Variants in STPG2 observed in about 807,000 individuals in gnomAD.
STPG2 encodes sperm tail PG-rich repeat containing 2.
In STPG2, 56 loss-of-function variants were observed where a neutral mutation model predicts 54.2. That is an observed-to-expected ratio of 1.03 (90% confidence interval 0.83 to 1.29). The LOEUF is 1.29. STPG2 is among the 50% of genes most tolerant of loss of function. The pLI, the probability that STPG2 is intolerant of heterozygous loss-of-function variation, is 0.00. For missense variants in STPG2, 596 were observed against 544.9 expected (o/e 1.09, Z -0.93); for synonymous variants, 200 against 181.8 (o/e 1.10, Z -0.81).
chr4:97,567,483 T>C (rs1450817090), intron 10 of STPG2, among the ~76,000 whole-genome samples: 1 of 150,566 alleles, frequency 6.6e-6, no homozygotes, highest in Non-Finnish European at 1.5e-5. Flanking sequence ...CCTCTCCCCA[T>C]AATCTGACTT....
At chr4:98,062,912 A>G (rs1164325425) in intron 5 of STPG2, among the ~76,000 whole-genome samples, 1 of 151,816 alleles carries the variant, frequency 6.6e-6, no homozygotes, top group South Asian at 2.1e-4. Flanking sequence ...TTCTTTTTTT[A>G]ATTTTATAAA....
chr4:97,770,420 A>G (rs1304553546), intron 9 of STPG2, among the ~76,000 whole-genome samples: 2 of 152,194 alleles, frequency 1.3e-5, no homozygotes, highest in Non-Finnish European at 2.9e-5. Flanking sequence ...TGGCAAGCAC[A>G]AAGAACTGCC....
intron 10 of STPG2, among the ~76,000 whole-genome samples, chr4:97,700,265 T>G (rs1184798396): frequency 1.3e-5 from 2 of 152,180 alleles, no homozygotes; most frequent in African/African-American, 4.8e-5. Flanking sequence ...GAGCAGCTTG[T>G]ACAGTAGCCT....
chr4:97,560,692 C>T (rs1422013053), intron 10 of STPG2, among the ~76,000 whole-genome samples: 1 of 151,998 alleles, frequency 6.6e-6, no homozygotes, highest in Non-Finnish European at 1.5e-5. Flanking sequence ...AGCATGAATC[C>T]AGAGATTCAA....
intron 3 of STPG2, among the ~76,000 whole-genome samples, chr4:98,112,099 A>G (rs932761029): frequency 6.6e-6 from 1 of 152,080 alleles, no homozygotes; most frequent in Non-Finnish European, 1.5e-5. Context: ...CCATAATCAC[A>G]TGAGCCAATT....
intron 9 of STPG2, among the ~76,000 whole-genome samples, chr4:97,746,539 A>G (rs1468996418): frequency 6.6e-5 from 10 of 151,298 alleles, no homozygotes; most frequent in Admixed American, 5.9e-4. Flanking sequence ...TGGAGTACAT[A>G]CAAAAGACAA....
At chr4:97,616,199 A>G (rs1015819902) in intron 10 of STPG2, among the ~76,000 whole-genome samples, 7 of 149,792 alleles carry the variant, frequency 4.7e-5, no homozygotes, top group Non-Finnish European at 7.4e-5. Flanking sequence ...GAGAAATATG[A>G]AGGTTCCTAA....
chr4:98,072,515 A>G (rs966838573), intron 5 of STPG2, among the ~76,000 whole-genome samples: 8 of 152,052 alleles, frequency 5.3e-5, no homozygotes, highest in Non-Finnish European at 1.0e-4. Context: ...TATGTAACAA[A>G]CCTGCACATC....
intron 3 of STPG2, among the ~76,000 whole-genome samples, chr4:98,121,571 A>T (rs11941844): frequency 0.4 from 60,109 of 151,912 alleles, 12,125 homozygotes; most frequent in African/African-American, 0.45. Context: ...CCTTGAGCAG[A>T]GGTTTGTAGT....
At chr4:98,024,906 T>A (rs11097598) in intron 5 of STPG2, among the ~76,000 whole-genome samples, 1 of 152,106 alleles carries the variant, frequency 6.6e-6, no homozygotes, top group South Asian at 2.1e-4. Flanking sequence ...AAATAGGCTA[T>A]GTAAATATTA....
rs762307620 is a variant in STPG2, at chr4:98,143,068, AC to A, written c.82del (p.Val28TyrfsTer4). On this transcript the variant is annotated frameshift_variant, in exon 1 of 11. Coordinates refer to ENST00000295268, the MANE Select transcript of STPG2 (RefSeq NM_174952.3). LOFTEE classifies it high-confidence loss of function. ...EAHVGPGSYQ[V>X]PFLKQQATGS... ...TGTCGCCTGCTGCTTCAGGAAAGGT[AC>A]CTGGTAGGATCCAGGACCCACATGG... The A allele has an allele frequency of 6.2e-7, 1 of 1,613,450 alleles. No individual in the cohort carries two copies. The highest frequency in any genetic ancestry group is 1.1e-5 in the South Asian group (1 of 90,894).
intron 5 of STPG2, among the ~76,000 whole-genome samples, chr4:98,021,170 C>G (rs1362380552): frequency 7.0e-6 from 1 of 142,828 alleles, no homozygotes; most frequent in African/African-American, 2.7e-5. Flanking sequence ...CTATAAATTT[C>G]CCTCTACACA....
chr4:97,506,406 T>C (rs956312720), intron 4 of STPG2, among the ~76,000 whole-genome samples: 7 of 151,726 alleles, frequency 4.6e-5, no homozygotes, highest in African/African-American at 1.7e-4. Context: ...GCAAAGAAAA[T>C]AGCTTTCAAA....
chr4:97,885,774 C>T (rs185822337), intron 8 of STPG2, among the ~76,000 whole-genome samples: 26 of 152,148 alleles, frequency 1.7e-4, no homozygotes, highest in South Asian at 4.1e-4. Flanking sequence ...CGTTGGTATA[C>T]GCAGGAGGCC....
intron 5 of STPG2, among the ~76,000 whole-genome samples, chr4:98,036,833 G>C (rs568439739): frequency 1.3e-5 from 2 of 151,820 alleles, no homozygotes; most frequent in Admixed American, 1.3e-4. Context: ...AAGACACAAA[G>C]ATTAAAGGTA....
chr4:97,637,001 C>T (rs1490483236), intron 10 of STPG2, among the ~76,000 whole-genome samples: 1 of 152,178 alleles, frequency 6.6e-6, no homozygotes, highest in Non-Finnish European at 1.5e-5. Context: ...ATGAGGCCAG[C>T]ATCATCCTGA....
chr4:97,664,101 T>C (rs969090034), intron 10 of STPG2, among the ~76,000 whole-genome samples: 3 of 152,210 alleles, frequency 2.0e-5, no homozygotes, highest in African/African-American at 7.2e-5. Flanking sequence ...TTCTTAGATA[T>C]GTATAACTTA....
At chr4:97,925,764 A>G (rs1732310724) in intron 8 of STPG2, among the ~76,000 whole-genome samples, 1 of 152,194 alleles carries the variant, frequency 6.6e-6, no homozygotes, top group Non-Finnish European at 1.5e-5. Flanking sequence ...CAGGATCCCA[A>G]GGATCTGTGT....
At chr4:97,843,018 C>T (rs1175639765) in intron 8 of STPG2, among the ~76,000 whole-genome samples, 1 of 151,688 alleles carries the variant, frequency 6.6e-6, no homozygotes, top group Non-Finnish European at 1.5e-5. Context: ...ACCTATATAC[C>T]ATATAGTACC....
Sources: allele counts gnomAD v4.1 joint callset (sites outside exome capture counted in the v4.1 genomes callset), GRCh38; gene constraint gnomAD v4.1.1; transcripts MANE v1.5; gene names NCBI Gene and HGNC (gene_info 2026-07-23, HGNC 2026-07-21).